Variants in ZFHX3 observed in about 807,000 individuals in gnomAD.
The protein encoded by ZFHX3 is zinc finger homeobox protein 3.
A neutral mutation model predicts 279.1 loss-of-function variants in ZFHX3; 42 were observed. The ratio of observed to expected loss-of-function variants is 0.15; its 90% CI spans 0.12 to 0.19. The LOEUF is 0.19. Ranked by LOEUF, ZFHX3 falls within the 10% of genes least tolerant of loss-of-function variation. ZFHX3 has a pLI of 1.00. For missense variants in ZFHX3, 4,981 were observed against 4,754.0 expected, an observed-to-expected ratio of 1.05 and a Z score of -1.40; for synonymous variants, 2,293 against 1,957.8, an observed-to-expected ratio of 1.17 and a Z score of -4.52.
chr16:73,072,731 A>T (rs2144757191), intron 8 of ZFHX3, among the ~76,000 whole-genome samples: 1 of 152,190 alleles, frequency 6.6e-6, no homozygotes, highest in East Asian at 1.9e-4. Flanking sequence ...TGCCAGGCTA[A>T]TTTGTTTTAC....
intron 3 of ZFHX3, among the ~76,000 whole-genome samples, chr16:72,938,401 G>A (rs1960233808): frequency 6.6e-6 from 1 of 152,354 alleles, no homozygotes; most frequent in South Asian, 2.1e-4. Flanking sequence ...TGGGCTTTGT[G>A]GCTGTTGTCT....
At chr16:73,231,354 T>C (rs187621388) in intron 5 of ZFHX3, among the ~76,000 whole-genome samples, 1 of 152,254 alleles carries the variant, frequency 6.6e-6, no homozygotes, top group East Asian at 1.9e-4. Context: ...TCCCATTCAA[T>C]ACTAGGGCAA....
intron 8 of ZFHX3, among the ~76,000 whole-genome samples, chr16:73,087,968 A>G (rs544113750): frequency 6.6e-6 from 1 of 151,964 alleles, no homozygotes; most frequent in East Asian, 1.9e-4. Flanking sequence ...AACTGGGATT[A>G]TAGGCATCCA....
rs542635094 is a variant in ZFHX3 at position 73,481,621 on chromosome 16, T to G, written c.-1546-25363A>C. 7.3e-3 allele frequency among the ~76,000 whole-genome samples: 1,086 copies of G among 148,768 alleles called. 24 individuals are homozygous for G. The highest frequency in any genetic ancestry group is 0.026 in the African/African-American group (1,007 of 39,262). On this transcript the variant is annotated intron_variant, in intron 2 of 17. Transcript: ENST00000641206. Reference sequence around the variant, plus strand: ...TGGTTAATGTGCGTGGTGTTGTTTTTTTGTTGTTGTTTGTTTGTTTGTTTG... The same window carrying G: ...TGGTTAATGTGCGTGGTGTTGTTTTGTTGTTGTTGTTTGTTTGTTTGTTTG...
chr16:73,650,883 T>C (rs2052663975), intron 2 of ZFHX3, among the ~76,000 whole-genome samples: 1 of 152,000 alleles, frequency 6.6e-6, no homozygotes, highest in Admixed American at 6.6e-5. Flanking sequence ...TGCAAGTATG[T>C]TAGGGAAAAA....
rs571722547 is a variant in ZFHX3, at chr16:73,510,580, C to T, written c.-1546-54322G>A. Among the ~76,000 whole-genome samples the T allele has an allele frequency of 1.9e-4, 29 of 152,262 alleles. No homozygotes were observed. In the South Asian group the frequency reaches 3.3e-3, roughly 17 times the overall value. On this transcript the variant is annotated intron_variant, in intron 2 of 17. Transcript: ENST00000641206. ...ATTTACTACAAAGTTAGGAAAATTA[C>T]GTAGGGTCACCATGTACTGATATGT...
At chr16:72,856,119 GT>G (rs1359316769) in intron 4 of ZFHX3, among the ~76,000 whole-genome samples, 1 of 152,240 alleles carries the variant, frequency 6.6e-6, no homozygotes, top group Non-Finnish European at 1.5e-5. Context: ...CTTGGGGTTA[GT>G]TTAGCAATGA....
intron 2 of ZFHX3, among the ~76,000 whole-genome samples, chr16:73,675,358 T>G (rs1244847218): frequency 6.6e-6 from 1 of 151,932 alleles, no homozygotes; most frequent in Non-Finnish European, 1.5e-5. Context: ...AAGAAAAAAA[T>G]GTAAGATAAA....
intron 5 of ZFHX3, among the ~76,000 whole-genome samples, chr16:73,190,331 A>C (rs1968003703): frequency 6.6e-6 from 1 of 152,194 alleles, no homozygotes; most frequent in South Asian, 2.1e-4. Flanking sequence ...TGATGCAAGG[A>C]AACAATTATA....
intron 1 of ZFHX3, among the ~76,000 whole-genome samples, chr16:73,789,329 T>C (rs1430904242): frequency 6.6e-6 from 1 of 152,002 alleles, no homozygotes; most frequent in African/African-American, 2.4e-5. Context: ...TACAGGTGCA[T>C]GTCAGCACAC....
At chr16:73,604,723 C>T (rs1445775139) in intron 2 of ZFHX3, among the ~76,000 whole-genome samples, 4 of 142,872 alleles carry the variant, frequency 2.8e-5, no homozygotes, top group African/African-American at 7.8e-5. Flanking sequence ...CCAACCTGGG[C>T]GACAGAGGGA....
chr16:73,416,666 G>A (rs978169359), intron 3 of ZFHX3, among the ~76,000 whole-genome samples: 1 of 152,158 alleles, frequency 6.6e-6, no homozygotes, highest in African/African-American at 2.4e-5. Flanking sequence ...GAGGTCAGGA[G>A]ATCGAGACCA....
intron 5 of ZFHX3, among the ~76,000 whole-genome samples, chr16:73,210,213 C>T (rs1030432339): frequency 6.6e-6 from 1 of 152,010 alleles, no homozygotes; most frequent in Non-Finnish European, 1.5e-5. Flanking sequence ...TCTAAAATCG[C>T]CAAAAGATTA....
chr16:73,586,069 T>C (rs1306673492), intron 2 of ZFHX3, among the ~76,000 whole-genome samples: 1 of 152,112 alleles, frequency 6.6e-6, no homozygotes, highest in Non-Finnish European at 1.5e-5. Context: ...ACTACAACTA[T>C]ATATTGTTTT....
At chr16:73,685,065 A>G (rs1268727373) in intron 1 of ZFHX3, among the ~76,000 whole-genome samples, 7 of 148,786 alleles carry the variant, frequency 4.7e-5, no homozygotes, top group Admixed American at 2.0e-4. Context: ...GCCAGGCTGG[A>G]GTCCAGTGGC....
chr16:73,263,051 C>A (rs1444217556), intron 4 of ZFHX3, among the ~76,000 whole-genome samples: 1 of 152,172 alleles, frequency 6.6e-6, no homozygotes, highest in African/African-American at 2.4e-5. Context: ...CCAGCCACCC[C>A]AAGGAACCAT....
intron 4 of ZFHX3, among the ~76,000 whole-genome samples, chr16:73,270,112 T>C (rs2014100472): frequency 6.6e-6 from 1 of 152,190 alleles, no homozygotes; most frequent in Admixed American, 6.5e-5. Flanking sequence ...TGTTCATCCT[T>C]GTCAACACTT....
At chr16:73,797,608 A>G (rs1960030965) in intron 1 of ZFHX3, among the ~76,000 whole-genome samples, 1 of 152,150 alleles carries the variant, frequency 6.6e-6, no homozygotes. Context: ...GAAATTCAGA[A>G]GCCAACCACG....
intron 3 of ZFHX3, among the ~76,000 whole-genome samples, chr16:72,927,373 C>T (rs1038154470): frequency 3.3e-5 from 5 of 152,172 alleles, no homozygotes; most frequent in Admixed American, 6.5e-5. Flanking sequence ...TTCATTCTCC[C>T]GCTGGGATGG....
Sources: gnomAD v4.1 joint callset for allele counts (sites outside exome capture counted in the v4.1 genomes callset) on GRCh38, gnomAD v4.1.1 for gene constraint, MANE v1.5 for transcripts, NCBI Gene and HGNC (gene_info 2026-07-23, HGNC 2026-07-21) for gene names.